The following MYO1H variants were observed in gnomAD, a reference collection of about 807,000 sequenced individuals.
MYO1H encodes the protein unconventional myosin-Ih.
A neutral mutation model predicts 149.3 loss-of-function variants in MYO1H; 118 were observed. That is an observed-to-expected ratio of 0.79 (90% CI 0.68 to 0.92). The LOEUF (loss-of-function observed/expected upper bound fraction) is 0.92. MYO1H is among the 40% of genes least tolerant of loss of function. The pLI, the probability that MYO1H is intolerant of heterozygous loss-of-function variation, is 0.00. For synonymous variants in MYO1H, 447 were observed against 465.2 expected, an observed-to-expected ratio of 0.96 and a Z score of 0.50; for missense variants, 1,212 against 1,280.7, an observed-to-expected ratio of 0.95 and a Z score of 0.82.
At chr12:109,316,300 G>A in the MYO1H span, among the ~76,000 whole-genome samples, 1 of 152,094 alleles carries the variant, frequency 6.6e-6, no homozygotes, top group Non-Finnish European at 1.5e-5. Flanking sequence ...AACCGTGAGT[G>A]GTTTTAAAGA....
At chr12:109,396,167 C>A (rs377278734) in intron 3 of MYO1H, among the ~76,000 whole-genome samples, 10 of 152,260 alleles carry the variant, frequency 6.6e-5, no homozygotes, top group East Asian at 1.9e-4. Context: ...AAGTGATCCA[C>A]CCGCCTCAGC....
chr12:109,320,856 G>A, the MYO1H span, among the ~76,000 whole-genome samples: 13 of 152,228 alleles, frequency 8.5e-5, no homozygotes, highest in South Asian at 4.1e-4. Context: ...TTGAGAGGCC[G>A]AGGCGGGTGG....
rs541289093 is a variant in MYO1H, at chr12:109,358,846, T to TAAA, written c.12+10896_12+10898dup. Among the ~76,000 whole-genome samples, 24 of 84,534 alleles carry TAAA rather than the reference T, an allele frequency of 2.8e-4. No homozygotes were observed. The East Asian group carries it at 4.0e-3, about 14-fold the overall frequency. 55.5% of individuals were successfully genotyped at this position (84,534 alleles called of 152,430 possible). A position where few individuals can be genotyped will look rare whatever the true frequency, so the allele number is the denominator to read the frequency against. ...TTCTGGGGGAAGCATCCTGTGGTGTTAAAAAAAAAAAAAAAAAAAAAAAAG... is the reference window on the plus strand; with the variant it reads ...TTCTGGGGGAAGCATCCTGTGGTGTTAAAAAAAAAAAAAAAAAAAAAAAAAAAG... On this transcript the variant is annotated intron_variant, in intron 1 of 31. Transcript: ENST00000310903.
At chr12:109,438,086 T>TAAAAAAA (rs58487735) in intron 22 of MYO1H, among the ~76,000 whole-genome samples, 55 of 96,894 alleles carry the variant, frequency 5.7e-4, no homozygotes, top group Admixed American at 8.1e-4. Context: ...AGGCTCTGTC[T>TAAAAAAA]AAAAAAAAAA....
At chr12:109,424,417 G>C (rs1345812563) in intron 16 of MYO1H, among the ~76,000 whole-genome samples, 1 of 152,208 alleles carries the variant, frequency 6.6e-6, no homozygotes, top group Non-Finnish European at 1.5e-5. Context: ...GCCTCCCCAA[G>C]TACTGGGATT....
At chr12:109,310,485 T>G in the MYO1H span, among the ~76,000 whole-genome samples, 1 of 152,204 alleles carries the variant, frequency 6.6e-6, no homozygotes, top group Non-Finnish European at 1.5e-5. Flanking sequence ...GTACTGCACG[T>G]GGACCTCTGC....
At chr12:109,364,470 A>G (rs1868824398) in intron 1 of MYO1H, among the ~76,000 whole-genome samples, 1 of 152,094 alleles carries the variant, frequency 6.6e-6, no homozygotes, top group Non-Finnish European at 1.5e-5. Context: ...ACTACTGGGC[A>G]TGCACCACTA....
chr12:109,433,907 T>C (rs6606716), intron 20 of MYO1H, among the ~76,000 whole-genome samples: 14,693 of 152,230 alleles, frequency 0.097, 863 homozygotes, highest in African/African-American at 0.14. Context: ...CACCCACTGC[T>C]GTCCCCAGTG....
the MYO1H span, among the ~76,000 whole-genome samples, chr12:109,327,661 A>G: frequency 6.9e-6 from 1 of 145,440 alleles, no homozygotes; most frequent in Non-Finnish European, 1.5e-5. Flanking sequence ...CAGGAGAATC[A>G]CTTGAACCCA....
chr12:109,315,151 A>C, the MYO1H span, among the ~76,000 whole-genome samples: 8 of 152,126 alleles, frequency 5.3e-5, no homozygotes, highest in Non-Finnish European at 7.4e-5. Context: ...CCCTGAATCC[A>C]TTACCTCACC....
At chr12:109,427,572 G>A (rs1345819679) in exon 19 of MYO1H, 2 of 1,610,170 alleles carry the variant, frequency 1.2e-6, no homozygotes, top group African/African-American at 1.3e-5. Flanking sequence ...GGAAATACGA[G>A]CATTTCTTGC....
chr12:109,313,085 T>A, the MYO1H span, among the ~76,000 whole-genome samples: 1 of 151,778 alleles, frequency 6.6e-6, no homozygotes, highest in African/African-American at 2.4e-5. Context: ...ACAAAAAAAA[T>A]AAACAAAAAA....
At chr12:109,320,200 G>A in the MYO1H span, among the ~76,000 whole-genome samples, 2 of 152,070 alleles carry the variant, frequency 1.3e-5, no homozygotes, top group Admixed American at 6.6e-5. Flanking sequence ...TGTAGTCCCA[G>A]CTGCTTGAGA....
chr12:109,442,256 G>C lies in MYO1H; in HGVS notation c.2672G>C (p.Ser891Thr), dbSNP rs764098713. 16 of 1,613,828 alleles carry C rather than the reference G, an allele frequency of 9.9e-6. No homozygotes were observed. The African/African-American group carries it at 1.7e-4, about 17-fold the overall frequency. The change falls in exon 27 of 32, where the codon AGC (serine) becomes ACC (threonine). Residue 891 changes from serine (S) to threonine (T), a missense_variant. Coordinates refer to ENST00000310903, the Ensembl canonical transcript of MYO1H. ...AATCCGAAAGTGCTTCAGCTAATTA[G>C]CCATGAGAAAATCCAGGTAAGGCGA...
chr12:109,374,267 A>T (rs1869047514), intron 1 of MYO1H, among the ~76,000 whole-genome samples: 2 of 152,270 alleles, frequency 1.3e-5, no homozygotes, highest in South Asian at 4.2e-4. Flanking sequence ...TGGATTCTGG[A>T]GTCAGGCTGT....
At chr12:109,317,835 G>A in the MYO1H span, among the ~76,000 whole-genome samples, 1 of 152,318 alleles carries the variant, frequency 6.6e-6, no homozygotes, top group Non-Finnish European at 1.5e-5. Context: ...TTACAGCTCT[G>A]TCTTGAGAGG....
chr12:109,393,585 A>G (rs1351436420), intron 3 of MYO1H, 139 bp downstream of exon 3: 4 of 642,570 alleles, frequency 6.2e-6, no homozygotes, highest in Non-Finnish European at 1.1e-5. Flanking sequence ...CCGCCCACCC[A>G]TCCATTCATC....
At chr12:109,365,411 G>C (rs1269480421) in intron 1 of MYO1H, among the ~76,000 whole-genome samples, 1 of 152,242 alleles carries the variant, frequency 6.6e-6, no homozygotes, top group Non-Finnish European at 1.5e-5. Context: ...GCTGTATCTA[G>C]GCAAAACTGA....
chr12:109,325,260 G>A, the MYO1H span, among the ~76,000 whole-genome samples: 1 of 152,264 alleles, frequency 6.6e-6, no homozygotes, highest in East Asian at 1.9e-4. Flanking sequence ...TGGATCAAAT[G>A]GTATTTCTGG....
Sources: gnomAD v4.1 joint callset for allele counts (sites outside exome capture counted in the v4.1 genomes callset) on GRCh38, gnomAD v4.1.1 for gene constraint, MANE v1.5 for transcripts, NCBI Gene and HGNC (gene_info 2026-07-23, HGNC 2026-07-21) for gene names.